PTER: variants seen among roughly 807,000 people sequenced by gnomAD.
The protein encoded by PTER is N-acetyltaurine hydrolase.
A neutral mutation model predicts 29.6 loss-of-function variants in PTER; 38 were observed. That is an observed-to-expected ratio of 1.28 (90% CI 0.99 to 1.68). PTER has a LOEUF of 1.68. PTER is among the 40% of genes most tolerant of loss of function. The pLI, the probability that PTER is intolerant of heterozygous loss-of-function variation, is 0.00. For missense variants in PTER, 482 were observed against 427.8 expected (o/e 1.13, Z -1.12); for synonymous variants, 172 against 154.5 (o/e 1.11, Z -0.84).
intron 1 of PTER, among the ~76,000 whole-genome samples, chr10:16,467,533 C>T (rs775321812): frequency 2.0e-5 from 3 of 152,214 alleles, no homozygotes; most frequent in South Asian, 2.1e-4. Flanking sequence ...CATTTGCTGC[C>T]GGGCTCAGTG....
rs201325307 is a variant in PTER at position 16,484,799 on chromosome 10, G to A, written c.415G>A (p.Ala139Thr). The change falls in exon 2 of 5, where the codon GCC becomes ACC. Residue 139 changes from alanine to threonine, a missense_variant. Physicochemically the swap from Ala to Thr is moderately conservative, Grantham distance 58. Coordinates refer to ENST00000535784, the MANE Select transcript of PTER (RefSeq NM_001261836.2). The stretch of plus-strand genomic sequence containing the variant: ...TGCAACTCACTCCTCAGAGACCAGG[G>A]CCATGTCAGTGGAGCAGGTAAAAAG... The part of the protein sequence containing the change: ...VDATHSSETR[A>T]MSVEQLTDVL... The A allele has an allele frequency of 8.4e-5, 134 of 1,604,354 alleles. No homozygotes were observed. Among genetic ancestry groups the A allele is most frequent in the African/African-American group, 6.7e-5 (5 of 74,262 alleles).
In PTER at chr10:16,449,428, CTTT is replaced by C. The variant is rs35475659; in HGVS notation, c.-49+12400_-49+12402del. On this transcript the variant is annotated intron_variant, in intron 1 of 4. Coordinates refer to ENST00000535784, the MANE Select transcript of PTER (RefSeq NM_001261836.2). ...GGATAAGGGTTTCAACAATAATTTT[CTTT>C]TTTTTTTTTTTTTTTTTTGAGACGG... is the stretch of plus-strand genomic sequence containing the variant. Among the ~76,000 whole-genome samples, 399 of 101,830 alleles carry C rather than the reference CTTT, an allele frequency of 3.9e-3. 3 individuals are homozygous for C. The highest frequency in any genetic ancestry group is 0.015 in the African/African-American group (370 of 25,266). 66.8% of individuals were successfully genotyped at this position (101,830 alleles called of 152,430 possible).
intron 1 of PTER, among the ~76,000 whole-genome samples, chr10:16,460,507 A>T (rs2133390418): frequency 6.6e-6 from 1 of 152,306 alleles, no homozygotes; most frequent in African/African-American, 2.4e-5. Context: ...ATTAATTGAA[A>T]TGCAAATATT....
intron 1 of PTER, among the ~76,000 whole-genome samples, chr10:16,476,901 C>CTCTCTCTCTTTTTTTTTTTTTTTTTTT (rs1214090481): frequency 1.0e-5 from 1 of 100,368 alleles, no homozygotes; most frequent in Admixed American, 1.0e-4. Context: ...TCCTAGAATT[C>CTCTCTCTCTTTTTTTTTTTTTTTTTTT]TTTTTTTTTT....
At chr10:16,504,685 T>A (rs905964430) in intron 3 of PTER, among the ~76,000 whole-genome samples, 3 of 152,180 alleles carry the variant, frequency 2.0e-5, no homozygotes, top group Non-Finnish European at 4.4e-5. Context: ...CCATTAAGGA[T>A]TCTCAAAATA....
At chr10:16,468,661 T>A (rs938037069) in intron 1 of PTER, among the ~76,000 whole-genome samples, 1 of 151,938 alleles carries the variant, frequency 6.6e-6, no homozygotes, top group Admixed American at 6.6e-5. Context: ...GAGCTCAAAG[T>A]CTGATGGAAA....
intron 1 of PTER, among the ~76,000 whole-genome samples, chr10:16,470,880 T>A (rs185633902): frequency 1.3e-5 from 2 of 152,246 alleles, no homozygotes; most frequent in African/African-American, 2.4e-5. Context: ...TGATTCTTTT[T>A]TTTTTAACTT....
At position 16,473,805 on chromosome 10, in the gene PTER, T is replaced by G. The variant is rs149867976; in HGVS notation, c.-48-10532T>G. 4.6e-5 allele frequency among the ~76,000 whole-genome samples: 7 copies of G among 152,330 alleles called. No homozygotes were observed. The East Asian group carries it at 1.4e-3, about 29-fold the overall frequency. On this transcript the variant is annotated intron_variant, in intron 1 of 4. Transcript: ENST00000535784. ...TCTGGCTGTGTGACTGTGGAGCATT[T>G]AAAAGCTTCTCATGACTTAGTTTCC...
intron 2 of PTER, among the ~76,000 whole-genome samples, chr10:16,485,476 A>G (rs1372627057): frequency 1.3e-5 from 2 of 152,214 alleles, no homozygotes; most frequent in Non-Finnish European, 2.9e-5. Context: ...ACATGTTTAC[A>G]CATATATGTA....
chr10:16,514,808 C>G, downstream of PTER: 1 of 814,000 alleles, frequency 1.2e-6, no homozygotes, highest in Non-Finnish European at 1.9e-6. Context: ...TGCCATAGTA[C>G]AGAATTTAGC....
intron 1 of PTER, among the ~76,000 whole-genome samples, chr10:16,441,921 G>A (rs1279608366): frequency 6.6e-6 from 1 of 151,742 alleles, no homozygotes; most frequent in Non-Finnish European, 1.5e-5. Context: ...CTTATTAAAC[G>A]GGTGGGATGT....
At chr10:16,470,613 C>T (rs923747296) in intron 1 of PTER, among the ~76,000 whole-genome samples, 1 of 152,036 alleles carries the variant, frequency 6.6e-6, no homozygotes, top group African/African-American at 2.4e-5. Flanking sequence ...ACTAAAAATA[C>T]AAAACTTAGC....
intron 1 of PTER, among the ~76,000 whole-genome samples, chr10:16,456,026 C>G (rs1472990389): frequency 1.3e-5 from 2 of 152,132 alleles, no homozygotes; most frequent in Non-Finnish European, 1.5e-5. Flanking sequence ...AAATGAACAA[C>G]CATCATCCCC....
At chr10:16,438,347 A>C (rs1403397387) in intron 1 of PTER, among the ~76,000 whole-genome samples, 1 of 151,670 alleles carries the variant, frequency 6.6e-6, no homozygotes, top group Non-Finnish European at 1.5e-5. Flanking sequence ...CCAAAGCTGG[A>C]GTGCAGTGGT....
chr10:16,478,695 C>A lies in PTER; in HGVS notation c.-48-5642C>A, dbSNP rs560070274. Among the ~76,000 whole-genome samples, 39 of 152,120 alleles carry A rather than the reference C, an allele frequency of 2.6e-4. No individual in the cohort carries two copies. The South Asian group carries it at 7.7e-3, about 30-fold the overall frequency. ...CTAAACAGAGAAATTTGGGAAGCCA[C>A]TGGTACCAGTTACAAGTTTGTAGAC... On this transcript the variant is annotated intron_variant, in intron 1 of 4. Transcript: ENST00000535784.
chr10:16,509,116 A>AT (rs1471523414), intron 4 of PTER, among the ~76,000 whole-genome samples: 4 of 152,182 alleles, frequency 2.6e-5, no homozygotes, highest in East Asian at 1.9e-4. Context: ...AATTACCGTG[A>AT]TTTTTTGTCT....
intron 1 of PTER, among the ~76,000 whole-genome samples, chr10:16,482,788 A>T (rs1043552151): frequency 4.0e-5 from 6 of 149,008 alleles, no homozygotes; most frequent in African/African-American, 1.2e-4. Context: ...TGTACTTAAA[A>T]TTTTTTTTTT....
At chr10:16,515,780 ATCT>A (rs769960517), downstream of PTER, among the ~76,000 whole-genome samples, 3 of 152,190 alleles carry the variant, frequency 2.0e-5, no homozygotes, top group East Asian at 3.8e-4. Context: ...TCAGTAAAAC[ATCT>A]TCTACTTTGT....
At chr10:16,443,084 G>T (rs775895122) in intron 1 of PTER, among the ~76,000 whole-genome samples, 3 of 152,068 alleles carry the variant, frequency 2.0e-5, no homozygotes, top group Non-Finnish European at 2.9e-5. Context: ...TGTCTTCCTA[G>T]GGCTGCCATC....
Sources: allele counts gnomAD v4.1 joint callset (sites outside exome capture counted in the v4.1 genomes callset), GRCh38; gene constraint gnomAD v4.1.1; transcripts MANE v1.5; gene names NCBI Gene and HGNC (gene_info 2026-07-23, HGNC 2026-07-21).